The following STK32C variants were observed in gnomAD, a reference collection of about 807,000 sequenced individuals.
STK32C encodes serine/threonine kinase 32C.
Under a neutral mutation model 56.5 loss-of-function variants are expected in STK32C, and 31 were observed. That is an observed-to-expected ratio of 0.55 (90% CI 0.41 to 0.74). The LOEUF (loss-of-function observed/expected upper bound fraction) is 0.74. STK32C is among the 30% of genes least tolerant of loss of function. The pLI, the probability that STK32C is intolerant of heterozygous loss-of-function variation, is 0.00. For missense variants in STK32C, 544 were observed against 676.9 expected (o/e 0.80, Z 2.18); for synonymous variants, 309 against 289.4 (o/e 1.07, Z -0.69).
chr10:132,316,258 A>C (rs528623333), intron 1 of STK32C, among the ~76,000 whole-genome samples: 5 of 152,220 alleles, frequency 3.3e-5, no homozygotes, highest in Admixed American at 2.6e-4. Flanking sequence ...CTATAAGCCA[A>C]TGTAGCAAAG....
rs1472237671 is a variant in STK32C at position 132,255,832 on chromosome 10, C to T, written c.263-9877G>A. On this transcript the variant is annotated intron_variant, in intron 1 of 11. Coordinates refer to ENST00000298630, the MANE Select transcript of STK32C (RefSeq NM_173575.4). The surrounding 1 kb of genome is among the most constrained non-coding windows in gnomAD (Gnocchi z 4.6). ...GTGCCAGCACCATGGCCCAGCATTA[C>T]GTGCGCTGCCCACGCATCTCCGAGG... 6.6e-6 allele frequency among the ~76,000 whole-genome samples: 1 copy of T among 152,184 alleles called. No individual in the cohort carries two copies. The highest frequency in any genetic ancestry group is 1.5e-5 in the Non-Finnish European group (1 of 68,014).
intron 1 of STK32C, among the ~76,000 whole-genome samples, chr10:132,282,830 C>T (rs772600231): frequency 2.4e-4 from 36 of 152,316 alleles, no homozygotes; most frequent in Non-Finnish European, 3.8e-4. Context: ...GCTGCTGGAG[C>T]GAAGGGAAGA....
At chr10:132,297,394 T>C (rs1209651451) in intron 1 of STK32C, among the ~76,000 whole-genome samples, 1 of 152,184 alleles carries the variant, frequency 6.6e-6, no homozygotes, top group Non-Finnish European at 1.5e-5. Context: ...CCCTGGGTTT[T>C]CCAATTGCCA....
chr10:132,269,435 G>A (rs1433285925), intron 1 of STK32C, among the ~76,000 whole-genome samples: 1 of 152,196 alleles, frequency 6.6e-6, no homozygotes, highest in Admixed American at 6.5e-5. Context: ...CTGAGCTCAG[G>A]GCTGCCTCCC....
Position 132,246,012 on chromosome 10 carries a change from G to C in STK32C, c.263-57C>G, listed in dbSNP as rs563140988. 389 of 1,540,618 alleles carry C rather than the reference G, an allele frequency of 2.5e-4. 15 individuals carry two copies. The South Asian group carries it at 4.2e-3, about 17-fold the overall frequency. ...GGTGGCAGCAAGGCCCCACCCCAGAGCAGCTCCCCCACCTCAACATCCCCC... is the reference window on the plus strand; with the variant it reads ...GGTGGCAGCAAGGCCCCACCCCAGACCAGCTCCCCCACCTCAACATCCCCC... On this transcript the variant is annotated intron_variant, in intron 1 of 11. Coordinates refer to ENST00000298630, the MANE Select transcript of STK32C (RefSeq NM_173575.4).
intron 2 of STK32C, among the ~76,000 whole-genome samples, chr10:132,233,865 G>A (rs1389154736): frequency 6.6e-6 from 1 of 152,210 alleles, no homozygotes; most frequent in African/African-American, 2.4e-5. Flanking sequence ...CTGCAGGATG[G>A]CCCCTTCGGC....
At chr10:132,329,936 C>G (rs1468217790) in intron 1 of STK32C, among the ~76,000 whole-genome samples, 1 of 152,222 alleles carries the variant, frequency 6.6e-6, no homozygotes, top group Non-Finnish European at 1.5e-5. Flanking sequence ...ATGGAAGTAG[C>G]AATGCCACGG....
chr10:132,302,228 C>T (rs2065930630), intron 1 of STK32C, among the ~76,000 whole-genome samples: 1 of 152,258 alleles, frequency 6.6e-6, no homozygotes, highest in South Asian at 2.1e-4. Context: ...ACCTCCAAGG[C>T]ATCCTCGCAT....
intron 2 of STK32C, among the ~76,000 whole-genome samples, chr10:132,237,897 C>T (rs1051940191): frequency 2.6e-5 from 4 of 152,228 alleles, no homozygotes; most frequent in South Asian, 2.1e-4. Flanking sequence ...CTAATCAGTG[C>T]TGCCATCCCC....
At chr10:132,250,266 AC>A (rs2063850557) in intron 1 of STK32C, among the ~76,000 whole-genome samples, 1 of 114,986 alleles carries the variant, frequency 8.7e-6, no homozygotes, top group Non-Finnish European at 1.9e-5. Flanking sequence ...GAGGAGCCCC[AC>A]CCCGAGGGCA....
chr10:132,307,873 A>G lies in STK32C; in HGVS notation c.-40T>C, dbSNP rs1377625681. 15 of 1,140,918 alleles carry G rather than the reference A, an allele frequency of 1.3e-5. No individual in the cohort carries two copies. The highest frequency in any genetic ancestry group is 1.7e-5 in the African/African-American group (1 of 58,176). The allele number at this position is 1,140,918 out of a possible 1,614,324, so 70.7% of individuals were successfully genotyped here. A position where few individuals can be genotyped will look rare whatever the true frequency, so the allele number is the denominator to read the frequency against. On this transcript the variant is annotated 5_prime_UTR_variant, in exon 1 of 12. The change abolishes an upstream ATG in the 5' untranslated region. Transcript: ENST00000298630. The surrounding 1 kb of genome is among the most constrained non-coding windows in gnomAD (Gnocchi z 4.4). ...GCGCGCGGCAGCCGGAACTCGGGGC[A>G]TGGCCGGCCGGCAGGGCCGGGAGCG...
chr10:132,213,976 A>G (rs2062392310), intron 10 of STK32C, among the ~76,000 whole-genome samples: 1 of 150,142 alleles, frequency 6.7e-6, no homozygotes, highest in Non-Finnish European at 1.5e-5. Context: ...ATGCAAAGAG[A>G]AAAAAAAAAG....
intron 1 of STK32C, among the ~76,000 whole-genome samples, chr10:132,299,609 G>A (rs976433389): frequency 4.6e-5 from 7 of 152,214 alleles, no homozygotes; most frequent in South Asian, 2.1e-4. Context: ...AGGGAGCCAC[G>A]GTGGACATTC....
intron 11 of STK32C, 125 bp from the exon 12 acceptor site, chr10:132,208,276 C>T (rs1246236176): frequency 6.1e-6 from 7 of 1,153,604 alleles, no homozygotes; most frequent in East Asian, 3.2e-5. Flanking sequence ...GCCACAGGCT[C>T]GGTGTCTGCT....
chr10:132,307,285 G>A lies in STK32C; in HGVS notation c.262+287C>T. ...GCAGGGCTGCCACGGGCGGTGGGCG[G>A]AGGCGCGCGCAAGCCCGGAGACGCC... On this transcript the variant is annotated intron_variant, in intron 1 of 11. Transcript: ENST00000298630. This position sits in a 1 kb window ranked among gnomAD's most constrained non-coding sequence, Gnocchi z 4.4. The A allele has an allele frequency of 3.7e-6, 1 of 273,730 alleles. No homozygotes were observed. Among genetic ancestry groups the A allele is most frequent in the African/African-American group, 2.2e-5 (1 of 44,584 alleles). 17.0% of individuals were successfully genotyped at this position (273,730 alleles called of 1,614,324 possible). A position where few individuals can be genotyped will look rare whatever the true frequency, so the allele number is the denominator to read the frequency against.
chr10:132,308,529 G>A (rs993550962), upstream of STK32C, among the ~76,000 whole-genome samples: 2 of 151,786 alleles, frequency 1.3e-5, no homozygotes, highest in Non-Finnish European at 2.9e-5. Context: ...CCCGGCTCAC[G>A]GTCAGGAGGC....
chr10:132,314,394 G>C (rs1474908873), intron 1 of STK32C, among the ~76,000 whole-genome samples: 1 of 152,088 alleles, frequency 6.6e-6, no homozygotes, highest in African/African-American at 2.4e-5. Context: ...TTAAAAAGTG[G>C]CCCAGCTAAC....
chr10:132,227,673 C>T lies in STK32C; in HGVS notation c.470+304G>A, dbSNP rs184263474. Among the ~76,000 whole-genome samples, 556 of 152,278 alleles carry T rather than the reference C, an allele frequency of 3.7e-3. 12 individuals carry two copies. In the South Asian group the frequency reaches 0.076, roughly 21 times the overall value. On this transcript the variant is annotated intron_variant, in intron 3 of 11. Transcript: ENST00000298630. ...GTTTTTCAGTCCCTAAACTCTCTCC[C>T]TCTCTGACTAGTGCCAGAGACTCCA...
At chr10:132,272,806 G>C (rs1396242171) in intron 1 of STK32C, among the ~76,000 whole-genome samples, 1 of 152,154 alleles carries the variant, frequency 6.6e-6, no homozygotes. Context: ...TTTCTCTCAA[G>C]TAATAGCCCA....
Sources: gnomAD v4.1 joint callset for allele counts (sites outside exome capture counted in the v4.1 genomes callset) on GRCh38, gnomAD v4.1.1 for gene constraint, Gnocchi (gnomAD v3.1) non-coding constraint, MANE v1.5 for transcripts, NCBI Gene and HGNC (gene_info 2026-07-23, HGNC 2026-07-21) for gene names.